Variants in BBS9 observed in about 807,000 individuals in gnomAD.
BBS9 encodes the protein Bardet-Biedl syndrome 9.
In BBS9, 89 loss-of-function variants were observed where a neutral mutation model predicts 117.7. That is an observed-to-expected ratio of 0.76 (90% CI 0.64 to 0.90). The LOEUF (loss-of-function observed/expected upper bound fraction) is 0.90, where lower values mean the gene tolerates loss of function less well. BBS9 is among the 40% of genes least tolerant of loss of function. The pLI is 0.00. For missense variants in BBS9, 982 were observed against 1,042.2 expected, an observed-to-expected ratio of 0.94 and a Z score of 0.80; for synonymous variants, 379 against 370.9, an observed-to-expected ratio of 1.02 and a Z score of -0.25.
At chr7:33,618,834 C>T (rs1199242912) in intron 21 of BBS9, among the ~76,000 whole-genome samples, 2 of 152,058 alleles carry the variant, frequency 1.3e-5, no homozygotes, top group East Asian at 1.9e-4. Context: ...TAACCACATA[C>T]ACACATACAC....
At chr7:33,148,697 C>T (rs544107486) in intron 2 of BBS9, among the ~76,000 whole-genome samples, 2 of 147,072 alleles carry the variant, frequency 1.4e-5, no homozygotes, top group Admixed American at 6.8e-5. Context: ...ACAGGTCTTG[C>T]TCTGCTGCCC....
chr7:33,309,876 G>T (rs977970501), intron 9 of BBS9, among the ~76,000 whole-genome samples: 1 of 152,210 alleles, frequency 6.6e-6, no homozygotes, highest in Non-Finnish European at 1.5e-5. Context: ...AGCATGGGAA[G>T]AAGAAAGGTC....
chr7:33,314,218 T>C (rs1809953603), intron 9 of BBS9: 5 of 416,554 alleles, frequency 1.2e-5, no homozygotes, highest in South Asian at 9.1e-5. Flanking sequence ...AGGACTTCAA[T>C]ATCTAATTTT....
intron 21 of BBS9, among the ~76,000 whole-genome samples, chr7:33,633,510 C>CTTTCTTTTTTTTT (rs1562547870): frequency 1.0e-5 from 1 of 98,462 alleles, no homozygotes. Context: ...TAACTTTTTT[C>CTTTCTTTTTTTTT]TTTTTTTTTT....
intron 19 of BBS9, among the ~76,000 whole-genome samples, chr7:33,405,287 A>T (rs553546881): frequency 3.6e-4 from 55 of 152,144 alleles, no homozygotes; most frequent in Admixed American, 1.5e-3. Context: ...TTCATCAAGG[A>T]TATTGGTCTA....
chr7:33,261,543 C>G (rs144538327), intron 6 of BBS9, among the ~76,000 whole-genome samples: 1 of 152,292 alleles, frequency 6.6e-6, no homozygotes, highest in African/African-American at 2.4e-5. Context: ...TAGTAAAGTT[C>G]TCTGGGTTAC....
intron 20 of BBS9, among the ~76,000 whole-genome samples, chr7:33,524,604 A>G (rs1213630405): frequency 3.9e-5 from 6 of 151,906 alleles, no homozygotes; most frequent in African/African-American, 1.5e-4. Context: ...TATCCCCTTT[A>G]TCATTTTTTA....
intron 21 of BBS9, among the ~76,000 whole-genome samples, chr7:33,547,011 A>G (rs1853496384): frequency 6.6e-6 from 1 of 152,100 alleles, no homozygotes; most frequent in Non-Finnish European, 1.5e-5. Context: ...CATGCCCACC[A>G]TGTATTTTTT....
chr7:33,535,263 T>C (rs1184384516), intron 21 of BBS9, among the ~76,000 whole-genome samples: 1 of 152,198 alleles, frequency 6.6e-6, no homozygotes, highest in African/African-American at 2.4e-5. Context: ...GTAATAACGC[T>C]TGCCCTGCCG....
chr7:33,542,458 G>A (rs898373282), intron 21 of BBS9, among the ~76,000 whole-genome samples: 1 of 152,182 alleles, frequency 6.6e-6, no homozygotes. Context: ...CACCATATTC[G>A]TAGTCTTTTA....
At chr7:33,257,669 G>T (rs1248998752) in intron 6 of BBS9, among the ~76,000 whole-genome samples, 3 of 152,084 alleles carry the variant, frequency 2.0e-5, no homozygotes, top group Non-Finnish European at 4.4e-5. Flanking sequence ...CCTTATCCTG[G>T]CTCTAAAGGA....
At chr7:33,555,813 G>A (rs1286848109) in intron 21 of BBS9, among the ~76,000 whole-genome samples, 1 of 152,122 alleles carries the variant, frequency 6.6e-6, no homozygotes, top group African/African-American at 2.4e-5. Context: ...TTTTCTTACA[G>A]GAAGCCTTCC....
intron 20 of BBS9, among the ~76,000 whole-genome samples, chr7:33,522,671 C>T (rs1417693160): frequency 1.8e-3 from 269 of 150,342 alleles, no homozygotes; most frequent in African/African-American, 5.4e-3. Flanking sequence ...GAGTAGCTTG[C>T]GAAAATTTTC....
intron 4 of BBS9, among the ~76,000 whole-genome samples, chr7:33,174,650 T>C (rs964645753): frequency 3.0e-4 from 45 of 152,232 alleles, no homozygotes; most frequent in African/African-American, 1.1e-3. Flanking sequence ...TACACTTCCA[T>C]TTATGTTATA....
At chr7:33,412,506 T>C (rs1322516123) in intron 19 of BBS9, among the ~76,000 whole-genome samples, 2 of 152,244 alleles carry the variant, frequency 1.3e-5, no homozygotes, top group Non-Finnish European at 2.9e-5. Flanking sequence ...ATATGCACTT[T>C]ACAACTTGCA....
chr7:33,587,391 C>T (rs1404441161), intron 21 of BBS9, among the ~76,000 whole-genome samples: 1 of 152,104 alleles, frequency 6.6e-6, no homozygotes, highest in Non-Finnish European at 1.5e-5. Flanking sequence ...GCTCTCTCTT[C>T]TGCCTGATGT....
At chr7:33,267,687 G>C (rs148836720) in intron 7 of BBS9, among the ~76,000 whole-genome samples, 197 of 151,864 alleles carry the variant, frequency 1.3e-3, no homozygotes, top group African/African-American at 4.5e-3. Context: ...TTTTACATAG[G>C]CTGTGAACCC....
intron 20 of BBS9, among the ~76,000 whole-genome samples, chr7:33,512,396 A>T (rs1401529582): frequency 6.6e-6 from 1 of 152,244 alleles, no homozygotes; most frequent in Non-Finnish European, 1.5e-5. Context: ...GTATTTATGC[A>T]TTTTAAAATA....
At chr7:33,147,761 A>G (rs1024637745) in intron 2 of BBS9, among the ~76,000 whole-genome samples, 64 of 152,196 alleles carry the variant, frequency 4.2e-4, no homozygotes, top group Admixed American at 4.2e-3. Flanking sequence ...ATTCATTTCT[A>G]TTAGAGCTCA....
Sources: allele counts gnomAD v4.1 joint callset (sites outside exome capture counted in the v4.1 genomes callset), GRCh38; gene constraint gnomAD v4.1.1; transcripts MANE v1.5; gene names NCBI Gene and HGNC (gene_info 2026-07-23, HGNC 2026-07-21).